The following TNK2 variants were observed in gnomAD, a reference collection of about 807,000 sequenced individuals.
The protein encoded by TNK2 is tyrosine kinase non receptor 2.
A neutral mutation model predicts 101.8 loss-of-function variants in TNK2; 83 were observed. That is an observed-to-expected ratio of 0.82 (90% CI 0.68 to 0.98). TNK2 has a LOEUF of 0.98. TNK2 is among the 50% of genes least tolerant of loss of function. The pLI is 0.00. For synonymous variants in TNK2, 804 were observed against 633.0 expected, an observed-to-expected ratio of 1.27 and a Z score of -4.06; for missense variants, 1,665 against 1,483.2, an observed-to-expected ratio of 1.12 and a Z score of -2.01.
chr3:195,878,708 A>C lies in TNK2; in HGVS notation c.1015-116T>G. ...GGCTGCTGCCATGCCTGGCCTCCAA[A>C]GAAGGGATCTGCCTGCCTGGGAGGG... On this transcript the variant is annotated intron_variant, in intron 7 of 15. Coordinates refer to ENST00000672887, the MANE Select transcript of TNK2 (RefSeq NM_001382273.1). This position sits in a 1 kb window ranked among gnomAD's most constrained non-coding sequence, Gnocchi z 4.7. 4.9e-6 allele frequency: 7 copies of C among 1,439,548 alleles called. No individual in the cohort carries two copies. Among genetic ancestry groups the C allele is most frequent in the Non-Finnish European group, 6.5e-6 (7 of 1,076,254 alleles). The allele number at this position is 1,439,548 out of a possible 1,614,324, so 89.2% of individuals were successfully genotyped here.
chr3:195,889,491 G>C (rs775597454), intron 1 of TNK2, among the ~76,000 whole-genome samples: 1 of 150,356 alleles, frequency 6.7e-6, no homozygotes, highest in African/African-American at 2.4e-5. Flanking sequence ...TGTCTTCTGC[G>C]GACGCTTCAG....
chr3:195,883,283 C>A lies in TNK2; in HGVS notation c.483G>T (p.Lys161Asn). The A allele has an allele frequency of 6.2e-7, 1 of 1,613,418 alleles. No individual in the cohort carries two copies. Among genetic ancestry groups the A allele is most frequent in the Non-Finnish European group, 8.5e-7 (1 of 1,180,036 alleles). Residue 161 changes from lysine (K) to asparagine (N), a missense_variant, in exon 5 of 16, where the codon AAG (lysine) becomes AAT (asparagine). Around this residue, in one of 3 missense-constraint regions of TNK2, gnomAD observed 490 missense variants for 522.5 expected, o/e 0.94. Coordinates refer to ENST00000672887, the MANE Select transcript of TNK2 (RefSeq NM_001382273.1). ...CTTCTGGCTGGCTCAGGACATCGGG[C>A]TTCAGGCACTTCACAGCCACACTCA... ...KTVSVAVKCL[K>N]PDVLSQPEAM...
Position 195,889,051 on chromosome 3 carries a change from T to C in TNK2, c.-18-445A>G, listed in dbSNP as rs566691506. 7.2e-5 allele frequency among the ~76,000 whole-genome samples: 11 copies of C among 152,150 alleles called. No homozygotes were observed. The East Asian group carries it at 1.9e-3, about 27-fold the overall frequency. On this transcript the variant is annotated intron_variant, in intron 1 of 15. Transcript: ENST00000672887. ...TGTGCCCCGAGACCCATCTATGGGC[T>C]CCTTAGATGTGACGGAGAAAACTCT...
In TNK2 at chr3:195,878,741, C is replaced by G; in HGVS notation, c.1015-149G>C. 1 of 1,222,648 alleles carries G rather than the reference C, an allele frequency of 8.2e-7. No homozygotes were observed. The highest frequency in any genetic ancestry group is 1.5e-5 in the African/African-American group (1 of 66,292). The allele number at this position is 1,222,648 out of a possible 1,614,324, so 75.7% of individuals were successfully genotyped here. ...TCTGCCTGCCTGGGAGGGGCCCTCT[C>G]CAGAGCCCCAGTCCCTTCTTCCCAG... On this transcript the variant is annotated intron_variant, in intron 7 of 15. Transcript: ENST00000672887. The surrounding 1 kb of genome is among the most constrained non-coding windows in gnomAD (Gnocchi z 4.7).
At chr3:195,880,317 C>T (rs1751670822) in intron 6 of TNK2, among the ~76,000 whole-genome samples, 1 of 152,124 alleles carries the variant, frequency 6.6e-6, no homozygotes, top group African/African-American at 2.4e-5. Context: ...ACGAGTCTTT[C>T]CCTGGCGAAC....
rs1157824219 is a variant in TNK2 at position 195,882,484 on chromosome 3, A to G, written c.610-156T>C. 1.3e-6 allele frequency: 2 copies of G among 1,543,146 alleles called. No individual in the cohort carries two copies. The highest frequency in any genetic ancestry group is 1.2e-5 in the South Asian group (1 of 83,348). On this transcript the variant is annotated intron_variant, in intron 5 of 15. Transcript: ENST00000672887. The surrounding 1 kb of genome is among the most constrained non-coding windows in gnomAD (Gnocchi z 4.2). ...GTCTGGGGACCTCTAGGAGTCCTGC[A>G]GTTTCTCAGGCCTCTCCCTCGAGGC...
At position 195,882,503 on chromosome 3, in the gene TNK2, T is replaced by A; in HGVS notation, c.610-175A>T. On this transcript the variant is annotated intron_variant, in intron 5 of 15. Coordinates refer to ENST00000672887, the MANE Select transcript of TNK2 (RefSeq NM_001382273.1). The surrounding 1 kb of genome is among the most constrained non-coding windows in gnomAD (Gnocchi z 4.2). ...TCCTGCAGTTTCTCAGGCCTCTCCC[T>A]CGAGGCAATTTGGGAAACTGATGCC... The A allele has an allele frequency of 6.5e-7, 1 of 1,538,058 alleles. No individual in the cohort carries two copies. The highest frequency in any genetic ancestry group is 8.7e-7 in the Non-Finnish European group (1 of 1,146,478).
chr3:195,874,380 TG>T (rs1440335965), intron 9 of TNK2, among the ~76,000 whole-genome samples: 1 of 152,214 alleles, frequency 6.6e-6, no homozygotes, highest in Non-Finnish European at 1.5e-5. Flanking sequence ...AGTGCAGGTA[TG>T]GCCGAGGCAA....
At position 195,878,779 on chromosome 3, in the gene TNK2, G is replaced by A. The variant is rs880803; in HGVS notation, c.1015-187C>T. Among the ~76,000 whole-genome samples, 2,239 of 152,296 alleles carry A rather than the reference G, an allele frequency of 0.015. 64 individuals carry two copies. The highest frequency in any genetic ancestry group is 0.051 in the African/African-American group (2,124 of 41,550). On this transcript the variant is annotated intron_variant, in intron 7 of 15. Transcript: ENST00000672887. The surrounding 1 kb of genome is among the most constrained non-coding windows in gnomAD (Gnocchi z 4.7). ...CCCTTCTTCCCAGGTCTGGAGCCTCGGAACAAGTGGATGTGGCAAGGGCTA... is the reference window on the plus strand; with the variant it reads ...CCCTTCTTCCCAGGTCTGGAGCCTCAGAACAAGTGGATGTGGCAAGGGCTA...
chr3:195,906,244 C>T (rs757141836), intron 1 of TNK2, among the ~76,000 whole-genome samples: 1 of 152,248 alleles, frequency 6.6e-6, no homozygotes, highest in Non-Finnish European at 1.5e-5. Flanking sequence ...AATGTACAAC[C>T]ACTTTGGAAA....
chr3:195,884,712 G>C, intron 4 of TNK2, 100 bp downstream of exon 4: 6 of 1,067,414 alleles, frequency 5.6e-6, no homozygotes, highest in Non-Finnish European at 8.1e-6. Flanking sequence ...ACACTGTGAC[G>C]CATCCCCAGT....
At chr3:195,871,954 T>TGGAGAACCCTCCCCTGGAGAACCCTCCCC (rs1745670055) in intron 10 of TNK2, among the ~76,000 whole-genome samples, 2 of 70,486 alleles carry the variant, frequency 2.8e-5, no homozygotes, top group South Asian at 4.5e-4. Flanking sequence ...AACATTCCCC[T>TGGAGAACCCTCCCCTGGAGAACCCTCCCC]GGAGAACCCT....
At chr3:195,901,697 A>C (rs190789783) in intron 1 of TNK2, among the ~76,000 whole-genome samples, 1 of 152,300 alleles carries the variant, frequency 6.6e-6, no homozygotes, top group Non-Finnish European at 1.5e-5. Context: ...CTGAGAGTGT[A>C]CCTTCACTGG....
chr3:195,904,601 ATGGAT>A (rs1043591577), intron 1 of TNK2, among the ~76,000 whole-genome samples: 2 of 152,198 alleles, frequency 1.3e-5, no homozygotes, highest in Non-Finnish European at 2.9e-5. Flanking sequence ...AGTCCTGGAG[ATGGAT>A]GCTGGTGACG....
rs923977690 is a variant in TNK2 at position 195,878,049 on chromosome 3, G to C, written c.1256+204C>G. ...CCAGGGCTGCAGCCCAGTGGGAAAG[G>C]GTGGTGGAGGGAAGCTGGGCAGGGA... is the stretch of plus-strand genomic sequence containing the variant. On this transcript the variant is annotated intron_variant, in intron 9 of 15. Transcript: ENST00000672887. The surrounding 1 kb of genome is among the most constrained non-coding windows in gnomAD (Gnocchi z 4.7). 2.6e-5 allele frequency among the ~76,000 whole-genome samples: 4 copies of C among 152,042 alleles called. No individual in the cohort carries two copies. Among genetic ancestry groups the C allele is most frequent in the African/African-American group, 9.7e-5 (4 of 41,402 alleles).
Position 195,882,155 on chromosome 3 carries a change from A to G in TNK2, c.783T>C (p.Ala261=), listed in dbSNP as rs773252791. The change falls in exon 6 of 16, where the codon GCT becomes GCC. Residue 261 remains alanine, a synonymous_variant. Transcript: ENST00000672887. The surrounding 1 kb of genome is among the most constrained non-coding windows in gnomAD (Gnocchi z 4.2). ...RDLAARNLLL[A]TRDLVKIGDF... is the part of the protein sequence containing the mutation. The stretch of plus-strand genomic sequence containing the variant: ...CCCCGATCTTGACCAGGTCGCGGGT[A>G]GCCAACAGCAGATTGCGGGCAGCCA... 2 of 1,613,804 alleles carry G rather than the reference A, an allele frequency of 1.2e-6. No homozygotes were observed. Among genetic ancestry groups the G allele is most frequent in the East Asian group, 2.2e-5 (1 of 44,904 alleles).
chr3:195,895,342 C>A (rs777519048), intron 1 of TNK2: 20 of 1,564,764 alleles, frequency 1.3e-5, no homozygotes, highest in East Asian at 1.0e-4. Context: ...AGAGAAGCAG[C>A]GCCCGCAGCC....
intron 6 of TNK2, among the ~76,000 whole-genome samples, chr3:195,880,771 C>CG (rs60684695): frequency 1.4e-3 from 14 of 10,072 alleles, no homozygotes; most frequent in South Asian, 5.1e-3. Flanking sequence ...CTGTAACACC[C>CG]CCCCCAGCAA....
chr3:195,868,221 G>A lies in TNK2; in HGVS notation c.2077C>T (p.Arg693Trp), dbSNP rs748815812. Residue 693 changes from arginine (R) to tryptophan (W), a missense_variant, in exon 13 of 16, where the codon CGG (arginine) becomes TGG (tryptophan). Physicochemically the swap from Arg to Trp is moderately radical, Grantham distance 101. Transcript: ENST00000672887. The stretch of plus-strand genomic sequence containing the variant: ...TTGTCCTCCAGGGGAGGGGGCGGCC[G>A]CGCCTGCTCAGGCACAAAGGCGTAG... ...TNYAFVPEQA[R>W]PPPPLEDNLF... is the part of the protein sequence containing the mutation. 3.5e-5 allele frequency: 56 copies of A among 1,606,482 alleles called. No individual in the cohort carries two copies. Among genetic ancestry groups the A allele is most frequent in the South Asian group, 1.2e-4 (11 of 90,952 alleles).
Sources: allele counts gnomAD v4.1 joint callset (sites outside exome capture counted in the v4.1 genomes callset), GRCh38; gene constraint gnomAD v4.1.1; regional missense constraint gnomAD v4.1.1; non-coding constraint Gnocchi (gnomAD v3.1); transcripts MANE v1.5; gene names NCBI Gene and HGNC (gene_info 2026-07-23, HGNC 2026-07-21).